The following RIT2 variants were observed in gnomAD, a reference collection of about 807,000 sequenced individuals.
RIT2 encodes GTP-binding protein Rit2.
Under a neutral mutation model 23.7 loss-of-function variants are expected in RIT2, and 24 were observed. That is an observed-to-expected ratio of 1.01 (90% CI 0.73 to 1.43). RIT2 has a LOEUF of 1.43. RIT2 is among the 40% of genes most tolerant of loss of function. The pLI, the probability that RIT2 is intolerant of heterozygous loss-of-function variation, is 0.00. For missense variants in RIT2, 236 were observed against 266.9 expected (o/e 0.88, Z 0.81); for synonymous variants, 107 against 91.1 (o/e 1.17, Z -0.99).
intron 3 of RIT2, among the ~76,000 whole-genome samples, chr18:42,940,258 A>AT (rs1161088657): frequency 7.1e-6 from 1 of 140,576 alleles, no homozygotes; most frequent in African/African-American, 2.8e-5. Flanking sequence ...ATATATATAT[A>AT]TATATATATA....
At chr18:42,779,664 C>T (rs921468340) in intron 4 of RIT2, among the ~76,000 whole-genome samples, 5 of 152,168 alleles carry the variant, frequency 3.3e-5, no homozygotes, top group Non-Finnish European at 2.9e-5. Context: ...TCCTACAGCT[C>T]GCAGTCTGTT....
chr18:42,816,454 G>C (rs980359712), intron 4 of RIT2, among the ~76,000 whole-genome samples: 1 of 152,144 alleles, frequency 6.6e-6, no homozygotes, highest in Non-Finnish European at 1.5e-5. Context: ...TAAGTAAAAT[G>C]CAACACTGGG....
chr18:42,882,290 A>T (rs8093580), intron 4 of RIT2, among the ~76,000 whole-genome samples: 19,871 of 152,164 alleles, frequency 0.13, 1,328 homozygotes, highest in Middle Eastern at 0.26. Flanking sequence ...CTGGCTATAA[A>T]ATGAGGGGTC....
chr18:43,047,100 C>A (rs891914545), intron 1 of RIT2, among the ~76,000 whole-genome samples: 3 of 152,118 alleles, frequency 2.0e-5, no homozygotes, highest in Non-Finnish European at 2.9e-5. Flanking sequence ...TGAAAACATA[C>A]TTGGACTAGT....
chr18:43,051,094 A>C (rs548558348), intron 1 of RIT2, among the ~76,000 whole-genome samples: 1 of 152,142 alleles, frequency 6.6e-6, no homozygotes, highest in Admixed American at 6.5e-5. Flanking sequence ...GGAATATTGC[A>C]GGCTGAGACT....
chr18:42,899,759 G>A (rs959905716), intron 4 of RIT2, among the ~76,000 whole-genome samples: 2 of 152,014 alleles, frequency 1.3e-5, no homozygotes, highest in Admixed American at 1.3e-4. Flanking sequence ...CTGAGACCCA[G>A]CTATTTTTTA....
chr18:42,962,472 T>A (rs1306118081), intron 3 of RIT2, among the ~76,000 whole-genome samples: 1 of 152,192 alleles, frequency 6.6e-6, no homozygotes, highest in Non-Finnish European at 1.5e-5. Flanking sequence ...TGATTCAAGA[T>A]GAGAGAATAG....
At chr18:43,050,326 C>G (rs1480773544) in intron 1 of RIT2, among the ~76,000 whole-genome samples, 1 of 151,904 alleles carries the variant, frequency 6.6e-6, no homozygotes, top group Non-Finnish European at 1.5e-5. Context: ...CAACCTTGCC[C>G]AGCAGAATTG....
intron 4 of RIT2, among the ~76,000 whole-genome samples, chr18:42,836,428 C>T (rs1380930996): frequency 6.6e-6 from 1 of 152,080 alleles, no homozygotes; most frequent in East Asian, 1.9e-4. Context: ...GAATAGTCAA[C>T]ATACTAGAAA....
intron 1 of RIT2, among the ~76,000 whole-genome samples, chr18:43,075,312 T>C (rs963803817): frequency 6.6e-6 from 1 of 152,170 alleles, no homozygotes; most frequent in African/African-American, 2.4e-5. Flanking sequence ...CTATATATGA[T>C]ACTAGCAAAA....
At chr18:42,995,521 G>A (rs1910960310) in intron 2 of RIT2, among the ~76,000 whole-genome samples, 1 of 152,054 alleles carries the variant, frequency 6.6e-6, no homozygotes, top group African/African-American at 2.4e-5. Flanking sequence ...TAGCAGACCG[G>A]CCTTTATTAG....
intron 2 of RIT2, among the ~76,000 whole-genome samples, chr18:43,032,697 C>CT (rs11368490): frequency 1 from 151,935 of 152,208 alleles, 75,833 homozygotes; most frequent in Middle Eastern, 1. Context: ...ATTGCATGTA[C>CT]TAAATCTATC....
chr18:43,063,204 G>C (rs540457069), intron 1 of RIT2, among the ~76,000 whole-genome samples: 1 of 152,176 alleles, frequency 6.6e-6, no homozygotes, highest in South Asian at 2.1e-4. Flanking sequence ...TTTCAATATG[G>C]AATCATTATA....
At chr18:43,076,635 T>A (rs928534103) in intron 1 of RIT2, among the ~76,000 whole-genome samples, 2 of 152,136 alleles carry the variant, frequency 1.3e-5, no homozygotes, top group African/African-American at 4.8e-5. Flanking sequence ...GATGGTCTAA[T>A]AAAGAAGGTA....
chr18:43,113,828 C>T (rs1914006538), intron 1 of RIT2, among the ~76,000 whole-genome samples: 1 of 152,182 alleles, frequency 6.6e-6, no homozygotes, highest in South Asian at 2.1e-4. Context: ...ATTTCAGCAT[C>T]TCCCTGACCT....
chr18:42,811,419 G>T (rs543289154), intron 4 of RIT2, among the ~76,000 whole-genome samples: 120 of 152,108 alleles, frequency 7.9e-4, no homozygotes, highest in African/African-American at 2.8e-3. Flanking sequence ...GTGTTGAATG[G>T]TTTTACAAAT....
intron 2 of RIT2, among the ~76,000 whole-genome samples, chr18:43,021,392 G>T (rs1481628546): frequency 1.3e-5 from 2 of 152,018 alleles, no homozygotes; most frequent in Admixed American, 1.3e-4. Flanking sequence ...ACAGATCCCG[G>T]CAAGGATGTA....
intron 1 of RIT2, among the ~76,000 whole-genome samples, chr18:43,080,322 C>A (rs777669388): frequency 1.3e-5 from 2 of 152,198 alleles, no homozygotes; most frequent in African/African-American, 2.4e-5. Context: ...TGCTCTCCAA[C>A]GTAAAACTTA....
intron 1 of RIT2, among the ~76,000 whole-genome samples, chr18:43,082,083 G>GT (rs1303356032): frequency 3.3e-5 from 5 of 152,086 alleles, no homozygotes; most frequent in African/African-American, 1.2e-4. Flanking sequence ...TTTGTTATTG[G>GT]TCTATTCAGG....
Sources: gnomAD v4.1 joint callset for allele counts (sites outside exome capture counted in the v4.1 genomes callset) on GRCh38, gnomAD v4.1.1 for gene constraint, MANE v1.5 for transcripts, NCBI Gene and HGNC (gene_info 2026-07-23, HGNC 2026-07-21) for gene names.